The following KCNAB1 variants were observed in gnomAD, a reference collection of about 807,000 sequenced individuals.
KCNAB1 encodes the protein voltage-gated potassium channel subunit beta-1.
Under a neutral mutation model 64.6 loss-of-function variants are expected in KCNAB1, and 35 were observed. That is an observed-to-expected ratio of 0.54 (90% CI 0.41 to 0.72). The LOEUF is 0.72. KCNAB1 is among the 30% of genes least tolerant of loss of function. The pLI, the probability that KCNAB1 is intolerant of heterozygous loss-of-function variation, is 0.00. For synonymous variants in KCNAB1, 177 were observed against 183.8 expected (o/e 0.96, Z 0.30); for missense variants, 401 against 512.9 (o/e 0.78, Z 2.11).
At chr3:156,471,194 A>G (rs1477635562) in intron 7 of KCNAB1, among the ~76,000 whole-genome samples, 1 of 152,232 alleles carries the variant, frequency 6.6e-6, no homozygotes, top group Non-Finnish European at 1.5e-5. Context: ...AACCTGCAAC[A>G]GTGAACACCC....
chr3:156,319,379 G>A (rs546233893), intron 1 of KCNAB1, among the ~76,000 whole-genome samples: 43 of 152,294 alleles, frequency 2.8e-4, no homozygotes, highest in Middle Eastern at 3.4e-3. Context: ...ACCCAAGGTG[G>A]CATTGTCCAT....
chr3:156,478,595 T>C (rs1244264093), intron 8 of KCNAB1, among the ~76,000 whole-genome samples: 1 of 152,192 alleles, frequency 6.6e-6, no homozygotes, highest in African/African-American at 2.4e-5. Context: ...AAGGGTCATG[T>C]GTGTGCCCAC....
intron 2 of KCNAB1, among the ~76,000 whole-genome samples, chr3:156,449,760 TC>T (rs1711853062): frequency 6.6e-6 from 1 of 152,346 alleles, no homozygotes; most frequent in South Asian, 2.1e-4. Context: ...ATGAAATTAT[TC>T]CTTTACAAAT....
chr3:156,519,108 C>T (rs541263657), intron 11 of KCNAB1, among the ~76,000 whole-genome samples: 192 of 152,290 alleles, frequency 1.3e-3, no homozygotes, highest in African/African-American at 4.1e-3. Flanking sequence ...GGATCTTCAC[C>T]ATTTCTTACA....
chr3:156,281,630 C>T (rs1435695339), intron 1 of KCNAB1, among the ~76,000 whole-genome samples: 1 of 152,144 alleles, frequency 6.6e-6, no homozygotes, highest in Non-Finnish European at 1.5e-5. Context: ...TTGATTATTG[C>T]CACAATTTCA....
chr3:156,148,150 T>C (rs1045940223), intron 1 of KCNAB1, among the ~76,000 whole-genome samples: 2 of 152,172 alleles, frequency 1.3e-5, no homozygotes, highest in Admixed American at 1.3e-4. Flanking sequence ...TCATCATTAG[T>C]TTTCCTACCT....
At chr3:156,287,474 T>C (rs555444469) in intron 1 of KCNAB1, among the ~76,000 whole-genome samples, 1 of 152,244 alleles carries the variant, frequency 6.6e-6, no homozygotes, top group Non-Finnish European at 1.5e-5. Context: ...AAGAACTTTA[T>C]TATTAAATAA....
chr3:156,210,763 G>A (rs1299454546), intron 1 of KCNAB1, among the ~76,000 whole-genome samples: 4 of 152,220 alleles, frequency 2.6e-5, no homozygotes, highest in Non-Finnish European at 5.9e-5. Flanking sequence ...AGTGGGCTGG[G>A]ACTGTACCTG....
chr3:156,142,890 A>G (rs1714783011), intron 1 of KCNAB1: 1 of 738,420 alleles, frequency 1.4e-6, no homozygotes, highest in African/African-American at 1.9e-5. Context: ...GGGCCAGTAC[A>G]TAGTTGCTTA....
chr3:156,322,807 G>A (rs565485760), intron 1 of KCNAB1, among the ~76,000 whole-genome samples: 17 of 152,260 alleles, frequency 1.1e-4, no homozygotes, highest in Admixed American at 4.6e-4. Context: ...ATTAAGAGAC[G>A]GAGGCATTAC....
intron 1 of KCNAB1, among the ~76,000 whole-genome samples, chr3:156,363,838 A>G (rs1345023456): frequency 6.6e-6 from 1 of 152,212 alleles, no homozygotes; most frequent in Non-Finnish European, 1.5e-5. Context: ...ATGGTGCAGA[A>G]TCTCAGATTA....
At chr3:156,257,868 A>G (rs62286210) in intron 1 of KCNAB1, among the ~76,000 whole-genome samples, 4,771 of 152,318 alleles carry the variant, frequency 0.031, 280 homozygotes, top group South Asian at 0.23. Context: ...ACCTGGGAGC[A>G]GCGGAAGAAG....
At chr3:156,449,697 T>C (rs1328887143) in intron 2 of KCNAB1, among the ~76,000 whole-genome samples, 1 of 152,248 alleles carries the variant, frequency 6.6e-6, no homozygotes, top group African/African-American at 2.4e-5. Context: ...TTTTAGAGAA[T>C]AAATTTTATG....
intron 1 of KCNAB1, among the ~76,000 whole-genome samples, chr3:156,346,137 A>G (rs7623380): frequency 0.16 from 23,529 of 151,572 alleles, 4,566 homozygotes; most frequent in African/African-American, 0.46. Context: ...GTAATTAACT[A>G]TATGAACACG....
chr3:156,338,449 T>C (rs1411019595), intron 1 of KCNAB1, among the ~76,000 whole-genome samples: 1 of 151,926 alleles, frequency 6.6e-6, no homozygotes, highest in Non-Finnish European at 1.5e-5. Context: ...TAGCTGGGAT[T>C]ATAGGCATGT....
chr3:156,325,771 A>G (rs1399875340), intron 1 of KCNAB1, among the ~76,000 whole-genome samples: 1 of 152,030 alleles, frequency 6.6e-6, no homozygotes, highest in East Asian at 1.9e-4. Context: ...TGGGCAATAT[A>G]GCAAGACCTT....
intron 13 of KCNAB1, among the ~76,000 whole-genome samples, chr3:156,535,311 C>T (rs1182492394): frequency 6.6e-6 from 1 of 152,216 alleles, no homozygotes; most frequent in Non-Finnish European, 1.5e-5. Flanking sequence ...AATTGGTCGT[C>T]AGAATTGTAT....
At chr3:156,224,854 T>G in intron 1 of KCNAB1, among the ~76,000 whole-genome samples, 1 of 152,070 alleles carries the variant, frequency 6.6e-6, no homozygotes, top group East Asian at 1.9e-4. Context: ...AGAAATAACC[T>G]CCTGGATTAA....
At chr3:156,422,736 C>T (rs756107123) in intron 2 of KCNAB1, among the ~76,000 whole-genome samples, 1 of 152,042 alleles carries the variant, frequency 6.6e-6, no homozygotes, top group Admixed American at 6.5e-5. Flanking sequence ...TGTTTAAGCC[C>T]GGATCCTGGA....
Sources: allele counts gnomAD v4.1 joint callset (sites outside exome capture counted in the v4.1 genomes callset), GRCh38; gene constraint gnomAD v4.1.1; transcripts MANE v1.5; gene names NCBI Gene and HGNC (gene_info 2026-07-23, HGNC 2026-07-21).